WASHC3: variants seen among roughly 807,000 people sequenced by gnomAD.
The protein encoded by WASHC3 is WASH complex subunit 3.
WASHC3 carries 24 observed loss-of-function variants against 26.1 expected under a neutral mutation model. The observed-to-expected ratio is 0.92, with a 90% confidence interval of 0.66 to 1.29. WASHC3 has a LOEUF of 1.29. WASHC3 is among the 50% of genes most tolerant of loss of function. The probability of loss-of-function intolerance (pLI) is 0.00; values close to 1 mark genes in which losing one functional copy is unlikely to be tolerated. For missense variants in WASHC3, 214 were observed against 229.6 expected (o/e 0.93, Z 0.44); for synonymous variants, 77 against 75.7 (o/e 1.02, Z -0.09).
intron 6 of WASHC3, among the ~76,000 whole-genome samples, chr12:102,014,075 C>CTT (rs1189181874): frequency 8.6e-3 from 765 of 88,710 alleles, no homozygotes; most frequent in Non-Finnish European, 0.011. Flanking sequence ...ACTGCTACAT[C>CTT]TTTTTTTTTT....
At chr12:102,042,800 CTGTT>C (rs1877996175) in intron 4 of WASHC3, among the ~76,000 whole-genome samples, 1 of 152,130 alleles carries the variant, frequency 6.6e-6, no homozygotes, top group South Asian at 2.1e-4. Flanking sequence ...ATTTATAAAT[CTGTT>C]TGTTTTATTT....
chr12:102,061,467 G>T, intron 1 of WASHC3, 121 bp from the exon 2 acceptor site: 1 of 692,402 alleles, frequency 1.4e-6, no homozygotes, highest in Non-Finnish European at 2.6e-6. Context: ...TGAAGGACTG[G>T]GAATAGTCAT....
At chr12:102,021,493 C>G (rs1208718612) in intron 6 of WASHC3, among the ~76,000 whole-genome samples, 1 of 152,136 alleles carries the variant, frequency 6.6e-6, no homozygotes, top group African/African-American at 2.4e-5. Flanking sequence ...TATCTATTAT[C>G]TCTCTCATTC....
intron 6 of WASHC3, among the ~76,000 whole-genome samples, chr12:102,015,521 G>T (rs1876660295): frequency 6.6e-6 from 1 of 152,030 alleles, no homozygotes; most frequent in Non-Finnish European, 1.5e-5. Flanking sequence ...TGATTGATTG[G>T]ATTTTGTGAT....
chr12:102,028,287 T>A (rs1281022631), intron 5 of WASHC3, among the ~76,000 whole-genome samples: 2 of 152,182 alleles, frequency 1.3e-5, no homozygotes, highest in Non-Finnish European at 2.9e-5. Flanking sequence ...ATGACACAGC[T>A]GGGAATTTAA....
At chr12:102,054,649 T>A (rs1878521437) in intron 2 of WASHC3, among the ~76,000 whole-genome samples, 1 of 152,212 alleles carries the variant, frequency 6.6e-6, no homozygotes, top group African/African-American at 2.4e-5. Flanking sequence ...TTCTCCAGGT[T>A]ATATGATATG....
At chr12:102,018,062 T>G (rs1876786576) in intron 6 of WASHC3, among the ~76,000 whole-genome samples, 1 of 152,220 alleles carries the variant, frequency 6.6e-6, no homozygotes, top group South Asian at 2.1e-4. Flanking sequence ...TCATAAAATA[T>G]TTGTCCTTCT....
chr12:102,052,098 C>T (rs1196232057), intron 2 of WASHC3, among the ~76,000 whole-genome samples: 1 of 152,118 alleles, frequency 6.6e-6, no homozygotes, highest in African/African-American at 2.4e-5. Flanking sequence ...TATTCACGCA[C>T]GAAAATACAT....
At chr12:102,047,825 G>A (rs1228210814) in intron 2 of WASHC3, among the ~76,000 whole-genome samples, 1 of 152,084 alleles carries the variant, frequency 6.6e-6, no homozygotes, top group Non-Finnish European at 1.5e-5. Flanking sequence ...AAATATCTGA[G>A]TATTTACCTT....
intron 5 of WASHC3, among the ~76,000 whole-genome samples, chr12:102,037,433 A>G (rs1429639949): frequency 3.2e-4 from 48 of 152,200 alleles, no homozygotes; most frequent in Admixed American, 3.1e-3. Context: ...AATTTAAAAT[A>G]GGGTGGCCAA....
Position 102,044,107 on chromosome 12 carries a change from G to A in WASHC3, c.322C>T (p.Gln108Ter), listed in dbSNP as rs1878054995. The A allele has an allele frequency of 1.2e-5, 18 of 1,562,308 alleles. No homozygotes were observed. The highest frequency in any genetic ancestry group is 1.6e-5 in the Non-Finnish European group (18 of 1,138,578). Residue 108 changes from glutamine (Q) to a stop codon, truncating the protein, a stop_gained and splice_region_variant, in exon 4 of 7, where the codon CAG becomes TAG. Transcript: ENST00000240079. LOFTEE classifies it high-confidence loss of function. ...CTCGTTTCTTAGAACTCACTTACCT[G>A]TGGTTGCTCTGAAGTGGCTTCAGGA... The part of the protein sequence containing the change: ...AHPEATSEQP[Q>*]QNSTQDSGLQ...
At chr12:102,023,970 T>C (rs1184937431) in intron 6 of WASHC3, among the ~76,000 whole-genome samples, 4 of 152,142 alleles carry the variant, frequency 2.6e-5, no homozygotes, top group African/African-American at 9.7e-5. Context: ...TAGTTACCTA[T>C]GGACTCTATC....
At chr12:102,030,063 A>T (rs955400933) in intron 5 of WASHC3, among the ~76,000 whole-genome samples, 1 of 152,124 alleles carries the variant, frequency 6.6e-6, no homozygotes, top group Non-Finnish European at 1.5e-5. Context: ...TGGGAGGCTG[A>T]GGTGGGCGGA....
At chr12:102,023,983 G>A (rs1877065734) in intron 6 of WASHC3, among the ~76,000 whole-genome samples, 1 of 152,142 alleles carries the variant, frequency 6.6e-6, no homozygotes, top group Non-Finnish European at 1.5e-5. Context: ...ACTCTATCAG[G>A]TGGTGATACC....
intron 2 of WASHC3, among the ~76,000 whole-genome samples, chr12:102,053,787 A>C (rs1878484878): frequency 6.6e-6 from 1 of 152,230 alleles, no homozygotes; most frequent in Non-Finnish European, 1.5e-5. Flanking sequence ...AAAAAAATGT[A>C]TACAGTCAAA....
chr12:102,029,054 A>C (rs1003187680), intron 5 of WASHC3, among the ~76,000 whole-genome samples: 1 of 152,188 alleles, frequency 6.6e-6, no homozygotes, highest in Non-Finnish European at 1.5e-5. Context: ...AATCTCATAA[A>C]GCTTGATAAA....
At chr12:102,047,808 A>G (rs1480580707) in intron 2 of WASHC3, among the ~76,000 whole-genome samples, 2 of 152,214 alleles carry the variant, frequency 1.3e-5, no homozygotes, top group Non-Finnish European at 2.9e-5. Context: ...ATAATCATCA[A>G]TACTGTAAAT....
chr12:102,026,718 A>G (rs1365796028), intron 5 of WASHC3, among the ~76,000 whole-genome samples: 1 of 152,228 alleles, frequency 6.6e-6, no homozygotes, highest in Non-Finnish European at 1.5e-5. Context: ...AAGGAAAGAG[A>G]CTTGATGTAT....
chr12:102,047,132 A>G (rs1235067338), intron 2 of WASHC3, among the ~76,000 whole-genome samples: 3 of 152,216 alleles, frequency 2.0e-5, no homozygotes, highest in Non-Finnish European at 4.4e-5. Flanking sequence ...ATAAAATATG[A>G]CCATTCAAGT....
Sources: allele counts gnomAD v4.1 joint callset (sites outside exome capture counted in the v4.1 genomes callset), GRCh38; gene constraint gnomAD v4.1.1; transcripts MANE v1.5; gene names NCBI Gene and HGNC (gene_info 2026-07-23, HGNC 2026-07-21).